The following PPFIBP2 variants were observed in gnomAD, a reference collection of about 807,000 sequenced individuals.
PPFIBP2 encodes PPFIB scaffold protein 2.
PPFIBP2 carries 118 observed loss-of-function variants against 118.3 expected under a neutral mutation model. The ratio of observed to expected loss-of-function variants is 1.00; its 90% CI spans 0.86 to 1.16. PPFIBP2 has a LOEUF of 1.16. Among genes scored for constraint, PPFIBP2 ranks in the 50% most tolerant of loss-of-function variants. The pLI, the probability that PPFIBP2 is intolerant of heterozygous loss-of-function variation, is 0.00. For missense variants in PPFIBP2, 1,195 were observed against 1,073.1 expected (o/e 1.11, Z -1.59); for synonymous variants, 414 against 397.4 (o/e 1.04, Z -0.50).
intron 11 of PPFIBP2, 45 bp downstream of exon 11, chr11:7,631,073 G>A (rs375404945): frequency 7.5e-6 from 11 of 1,469,236 alleles, no homozygotes; most frequent in South Asian, 2.3e-5. Context: ...CAGGTCCTCC[G>A]AGCTTGCCCT....
chr11:7,635,943 T>C (rs1039613912), intron 14 of PPFIBP2, among the ~76,000 whole-genome samples: 3 of 152,196 alleles, frequency 2.0e-5, no homozygotes, highest in African/African-American at 7.2e-5. Context: ...TCTGTGCTGA[T>C]ATGTCATGGT....
intron 5 of PPFIBP2, among the ~76,000 whole-genome samples, chr11:7,602,364 ATC>A (rs1846774361): frequency 6.6e-6 from 1 of 152,160 alleles, no homozygotes; most frequent in African/African-American, 2.4e-5. Flanking sequence ...GGCAACAAAA[ATC>A]TCTGTATCAT....
intron 3 of PPFIBP2, among the ~76,000 whole-genome samples, chr11:7,585,895 G>A (rs941173309): frequency 3.9e-5 from 6 of 152,150 alleles, no homozygotes; most frequent in African/African-American, 1.4e-4. Flanking sequence ...TTTATGATTG[G>A]TTATTACTAG....
intron 5 of PPFIBP2, among the ~76,000 whole-genome samples, chr11:7,608,497 G>A (rs1291170895): frequency 6.6e-6 from 1 of 152,124 alleles, no homozygotes; most frequent in Non-Finnish European, 1.5e-5. Flanking sequence ...AAAATCCGCT[G>A]GGCGTGGTGG....
Position 7,600,675 on chromosome 11 carries a change from G to T in PPFIBP2, c.486+3002G>T, listed in dbSNP as rs138383711. Reference sequence around the variant, plus strand: ...TGTCTCAGTGTGCGCCCTTCTAACTGCCTGTAGATAAGGTGCTTCCTCGGG... The same window carrying T: ...TGTCTCAGTGTGCGCCCTTCTAACTTCCTGTAGATAAGGTGCTTCCTCGGG... On this transcript the variant is annotated intron_variant, in intron 5 of 23. Transcript: ENST00000299492. Among the ~76,000 whole-genome samples the T allele has an allele frequency of 1.0e-3, 158 of 152,308 alleles. 1 individual carries two copies. The highest frequency in any genetic ancestry group is 3.7e-3 in the African/African-American group (152 of 41,578).
At chr11:7,639,644 A>G (rs2135869166) in intron 14 of PPFIBP2, 88 bp from the exon 15 acceptor site, 7 of 1,560,232 alleles carry the variant, frequency 4.5e-6, no homozygotes, top group African/African-American at 2.7e-5. Context: ...GGCTCTTGCA[A>G]AACAGGGAGT....
chr11:7,586,278 C>T (rs371659448), intron 3 of PPFIBP2, among the ~76,000 whole-genome samples: 1 of 152,136 alleles, frequency 6.6e-6, no homozygotes, highest in Admixed American at 6.5e-5. Context: ...TTCTCTTACA[C>T]AAAAAGAGTG....
At position 7,643,660 on chromosome 11, in the gene PPFIBP2, A is replaced by G. The variant is rs1367654442; in HGVS notation, c.1646+1234A>G. Among the ~76,000 whole-genome samples, 4 of 152,238 alleles carry G rather than the reference A, an allele frequency of 2.6e-5. No individual in the cohort carries two copies. In the East Asian group the frequency reaches 7.7e-4, roughly 29 times the overall value. The stretch of plus-strand genomic sequence containing the variant: ...AAAGGCCTTGTGACTCTTAACTAGA[A>G]ATTGATATATGTTAATGTCCTCTGG... On this transcript the variant is annotated intron_variant, in intron 17 of 23. Coordinates refer to ENST00000299492, the MANE Select transcript of PPFIBP2 (RefSeq NM_003621.5).
chr11:7,612,133 C>G (rs535055721), intron 6 of PPFIBP2, among the ~76,000 whole-genome samples: 2 of 152,318 alleles, frequency 1.3e-5, no homozygotes, highest in East Asian at 1.9e-4. Flanking sequence ...TACAATATGA[C>G]TAGATCCGGG....
At chr11:7,523,089 C>T (rs1289902192) in intron 1 of PPFIBP2, among the ~76,000 whole-genome samples, 1 of 151,970 alleles carries the variant, frequency 6.6e-6, no homozygotes, top group Non-Finnish European at 1.5e-5. Context: ...GAGTCAGGAT[C>T]GGGGACTCAG....
Position 7,649,425 on chromosome 11 carries a change from C to T in PPFIBP2, c.1999-107C>T. 2.0e-6 allele frequency: 3 copies of T among 1,469,884 alleles called. No individual in the cohort carries two copies. The South Asian group carries it at 3.7e-5, about 18-fold the overall frequency. The allele number at this position is 1,469,884 out of a possible 1,614,324, so 91.1% of individuals were successfully genotyped here. A position where few individuals can be genotyped will look rare whatever the true frequency, so the allele number is the denominator to read the frequency against. On this transcript the variant is annotated intron_variant, in intron 20 of 23. Coordinates refer to ENST00000299492, the MANE Select transcript of PPFIBP2 (RefSeq NM_003621.5). ...AAGCTATTGGTGTCTCCACGTGCACCTTCCTGAGATGTGGTTGACTTGTCT... is the reference window on the plus strand; with the variant it reads ...AAGCTATTGGTGTCTCCACGTGCACTTTCCTGAGATGTGGTTGACTTGTCT...
chr11:7,516,620 G>A (rs1341020231), intron 1 of PPFIBP2, among the ~76,000 whole-genome samples: 5 of 152,142 alleles, frequency 3.3e-5, no homozygotes, highest in Non-Finnish European at 7.4e-5. Context: ...CTAAAATGGC[G>A]TCAGCACCAA....
intron 3 of PPFIBP2, among the ~76,000 whole-genome samples, chr11:7,583,348 A>T (rs12275268): frequency 0.079 from 11,955 of 152,262 alleles, 580 homozygotes; most frequent in South Asian, 0.15. Flanking sequence ...CCGAAGAGAC[A>T]CCAGGCTCTA....
At chr11:7,665,553 T>C in the PPFIBP2 span, 8 of 1,595,874 alleles carry the variant, frequency 5.0e-6, no homozygotes, top group Non-Finnish European at 6.8e-6. Context: ...CAGCCTGAAA[T>C]GAAGGAGATG....
At chr11:7,597,172 C>G (rs1490721687) in intron 4 of PPFIBP2, 1 of 1,462,824 alleles carries the variant, frequency 6.8e-7, no homozygotes, top group African/African-American at 1.4e-5. Context: ...GTTTGGACCG[C>G]TCTTCCACAC....
Position 7,622,569 on chromosome 11 carries a change from G to A in PPFIBP2, c.711+1542G>A, listed in dbSNP as rs1427053608. Among the ~76,000 whole-genome samples the A allele has an allele frequency of 2.0e-5, 3 of 152,148 alleles. No individual in the cohort carries two copies. In the East Asian group the frequency reaches 5.8e-4, roughly 29 times the overall value. On this transcript the variant is annotated intron_variant, in intron 7 of 23. Transcript: ENST00000299492. ...TATATAAATATTTATGTAATCTAGTGTATAAATATAAAATCATTTGATTAA... is the reference window on the plus strand; with the variant it reads ...TATATAAATATTTATGTAATCTAGTATATAAATATAAAATCATTTGATTAA...
chr11:7,628,570 AT>A (rs781405505), intron 9 of PPFIBP2, among the ~76,000 whole-genome samples: 1 of 152,186 alleles, frequency 6.6e-6, no homozygotes, highest in Admixed American at 6.5e-5. Context: ...CTAAAGGCAG[AT>A]TATAGCCCTG....
At chr11:7,543,793 C>T (rs1852020790) in intron 1 of PPFIBP2, among the ~76,000 whole-genome samples, 1 of 152,194 alleles carries the variant, frequency 6.6e-6, no homozygotes, top group African/African-American at 2.4e-5. Flanking sequence ...GTATATAAAT[C>T]ACTGTTTGCC....
rs560874791 is a variant in PPFIBP2 at position 7,537,059 on chromosome 11, A to C, written c.-36-12381A>C. Among the ~76,000 whole-genome samples the C allele has an allele frequency of 3.9e-5, 6 of 152,244 alleles. No homozygotes were observed. The South Asian group carries it at 1.2e-3, about 32-fold the overall frequency. ...GCTCCTTGAGAAGGATCCTTCCTTC[A>C]GGTCCCCGCCTCCTCCTCCTACGTT... is the stretch of plus-strand genomic sequence containing the variant. On this transcript the variant is annotated intron_variant, in intron 1 of 23. Transcript: ENST00000299492.
Sources: allele counts gnomAD v4.1 joint callset (sites outside exome capture counted in the v4.1 genomes callset), GRCh38; gene constraint gnomAD v4.1.1; transcripts MANE v1.5; gene names NCBI Gene and HGNC (gene_info 2026-07-23, HGNC 2026-07-21).